The following OTUD7A variants were observed in gnomAD, a reference collection of about 807,000 sequenced individuals.
OTUD7A encodes the protein OTU deubiquitinase 7A.
Under a neutral mutation model 65.7 loss-of-function variants are expected in OTUD7A, and 12 were observed. The observed-to-expected ratio is 0.18, with a 90% CI of 0.12 to 0.30. The LOEUF is 0.30. Among genes scored for constraint, OTUD7A ranks in the 10% least tolerant of loss-of-function variants. The pLI is 1.00. For synonymous variants in OTUD7A, 641 were observed against 586.3 expected, an observed-to-expected ratio of 1.09 and a Z score of -1.35; for missense variants, 1,148 against 1,304.8, an observed-to-expected ratio of 0.88 and a Z score of 1.85.
At chr15:31,517,513 C>T (rs1052014703) in intron 8 of OTUD7A, among the ~76,000 whole-genome samples, 21 of 152,172 alleles carry the variant, frequency 1.4e-4, no homozygotes, top group Admixed American at 1.1e-3. Flanking sequence ...TCCTAAAATG[C>T]TTAAAAATCA....
At chr15:31,836,908 T>G (rs1897068138) in intron 1 of OTUD7A, among the ~76,000 whole-genome samples, 1 of 152,202 alleles carries the variant, frequency 6.6e-6, no homozygotes. Context: ...GACTGGATGC[T>G]TTTTCCTTAT....
chr15:31,718,417 C>T (rs1415669735), intron 1 of OTUD7A, among the ~76,000 whole-genome samples: 2 of 152,158 alleles, frequency 1.3e-5, no homozygotes, highest in East Asian at 1.9e-4. Flanking sequence ...TCCCTTCTCC[C>T]CCATTTATTT....
chr15:31,723,081 A>G (rs1893784678), intron 1 of OTUD7A, among the ~76,000 whole-genome samples: 1 of 152,160 alleles, frequency 6.6e-6, no homozygotes, highest in Non-Finnish European at 1.5e-5. Flanking sequence ...AGAAGTCAGG[A>G]GAGTGGAAGA....
At chr15:31,535,875 T>C (rs1005285023) in intron 5 of OTUD7A, among the ~76,000 whole-genome samples, 22 of 151,690 alleles carry the variant, frequency 1.5e-4, no homozygotes, top group Middle Eastern at 3.4e-3. Flanking sequence ...AGAGACGGGG[T>C]TTCACCGTGT....
chr15:31,564,644 G>A (rs1888807574), intron 4 of OTUD7A, among the ~76,000 whole-genome samples: 2 of 152,078 alleles, frequency 1.3e-5, no homozygotes, highest in Admixed American at 1.3e-4. Flanking sequence ...GTGAGTAAAA[G>A]TAGAATGTGT....
intron 1 of OTUD7A, among the ~76,000 whole-genome samples, chr15:31,661,791 A>G (rs1595693097): frequency 6.6e-6 from 1 of 152,240 alleles, no homozygotes; most frequent in Admixed American, 6.5e-5. Context: ...GTAAGTTCAC[A>G]TATTTACTTT....
At chr15:31,485,900 C>T (rs1046922928) in intron 12 of OTUD7A, among the ~76,000 whole-genome samples, 1 of 152,216 alleles carries the variant, frequency 6.6e-6, no homozygotes, top group African/African-American at 2.4e-5. Flanking sequence ...ACCCTCACCA[C>T]CTCCCACTCT....
intron 10 of OTUD7A, among the ~76,000 whole-genome samples, chr15:31,499,115 G>A (rs1365169872): frequency 6.6e-6 from 1 of 152,220 alleles, no homozygotes; most frequent in Non-Finnish European, 1.5e-5. Context: ...GAGACATGAT[G>A]GGGCATGTAA....
intron 1 of OTUD7A, among the ~76,000 whole-genome samples, chr15:31,703,093 A>T (rs1198198273): frequency 6.6e-6 from 1 of 152,116 alleles, no homozygotes; most frequent in Admixed American, 6.5e-5. Context: ...CCTTGTATAC[A>T]GTAAAAATTA....
At chr15:31,635,488 C>T (rs1165995581) in intron 3 of OTUD7A, among the ~76,000 whole-genome samples, 4 of 152,196 alleles carry the variant, frequency 2.6e-5, no homozygotes, top group Non-Finnish European at 5.9e-5. Context: ...TGGAACCAGG[C>T]GGGGAGAGAC....
intron 1 of OTUD7A, among the ~76,000 whole-genome samples, chr15:31,805,435 T>C (rs1327827918): frequency 6.6e-6 from 1 of 152,196 alleles, no homozygotes; most frequent in African/African-American, 2.4e-5. Flanking sequence ...GGGCCCTGTA[T>C]GCAGGAAGGG....
chr15:31,522,729 C>T (rs914692109), intron 8 of OTUD7A, among the ~76,000 whole-genome samples: 8 of 152,156 alleles, frequency 5.3e-5, no homozygotes, highest in African/African-American at 1.9e-4. Context: ...GGTTCTTCCA[C>T]GTGGCCGGGG....
chr15:31,673,648 C>T (rs1191756171), intron 1 of OTUD7A, among the ~76,000 whole-genome samples: 1 of 152,170 alleles, frequency 6.6e-6, no homozygotes, highest in Non-Finnish European at 1.5e-5. Flanking sequence ...GTGCCATTGA[C>T]AAGGGTTTAA....
rs183065553 is a variant in OTUD7A at position 31,764,919 on chromosome 15, T to C, written c.-100+105588A>G. 9.0e-4 allele frequency among the ~76,000 whole-genome samples: 137 copies of C among 152,334 alleles called. 1 individual carries two copies. The highest frequency in any genetic ancestry group is 3.2e-3 in the African/African-American group (133 of 41,590). ...GCCCTGATTTCAGTGGGTAATGTTG[T>C]TATTTTAAGCATCTGATAGGTGTAT... On this transcript the variant is annotated intron_variant, in intron 1 of 12. Transcript: ENST00000307050.
At chr15:31,563,591 C>A (rs1888765308) in intron 4 of OTUD7A, among the ~76,000 whole-genome samples, 1 of 152,220 alleles carries the variant, frequency 6.6e-6, no homozygotes, top group African/African-American at 2.4e-5. Flanking sequence ...CCTATCATCC[C>A]CTAGCCCCAG....
chr15:31,483,780 C>G lies in OTUD7A; in HGVS notation c.2316G>C (p.Ala772=), dbSNP rs2041178707. The change falls in exon 13 of 13, where the codon GCG becomes GCC. Residue 772 remains alanine (A), a synonymous_variant. Transcript: ENST00000307050. ...SGPVPGRSPP[A]PARQSVIHVQ... The stretch of plus-strand genomic sequence containing the variant: ...CGTGGATGACGCTCTGGCGCGCTGG[C>G]GCCGGGGGGCTGCGGCCAGGCACTG... 9.5e-7 allele frequency: 1 copy of G among 1,053,260 alleles called. No homozygotes were observed. The highest frequency in any genetic ancestry group is 1.1e-6 in the Non-Finnish European group (1 of 876,188). 65.2% of individuals were successfully genotyped at this position (1,053,260 alleles called of 1,614,324 possible).
At chr15:31,850,198 G>A (rs924391977) in intron 1 of OTUD7A, among the ~76,000 whole-genome samples, 1 of 152,108 alleles carries the variant, frequency 6.6e-6, no homozygotes, top group Non-Finnish European at 1.5e-5. Flanking sequence ...AAGAAAATGT[G>A]GCACATATAC....
At chr15:31,731,483 T>C (rs1486457579) in intron 1 of OTUD7A, among the ~76,000 whole-genome samples, 3 of 152,148 alleles carry the variant, frequency 2.0e-5, no homozygotes, top group Non-Finnish European at 4.4e-5. Flanking sequence ...ACTTTATGAC[T>C]GACATGTTGG....
At chr15:31,837,372 CAAAA>C (rs57479397) in intron 1 of OTUD7A, among the ~76,000 whole-genome samples, 6 of 120,316 alleles carry the variant, frequency 5.0e-5, no homozygotes, top group Admixed American at 1.7e-4. Flanking sequence ...ACTAAAAATA[CAAAA>C]AAAAAAAAAA....
Sources: allele counts gnomAD v4.1 joint callset (sites outside exome capture counted in the v4.1 genomes callset), GRCh38; gene constraint gnomAD v4.1.1; transcripts MANE v1.5; gene names NCBI Gene and HGNC (gene_info 2026-07-23, HGNC 2026-07-21).